SFXN1: variants seen among roughly 807,000 people sequenced by gnomAD.
The protein encoded by SFXN1 is sideroflexin-1.
SFXN1 carries 32 observed loss-of-function variants against 39.5 expected under a neutral mutation model. The ratio of observed to expected loss-of-function variants is 0.81; its 90% CI spans 0.61 to 1.09. The LOEUF (loss-of-function observed/expected upper bound fraction) is 1.09. Ranked by LOEUF, SFXN1 falls within the 50% of genes least tolerant of loss-of-function variation. SFXN1 has a pLI of 0.00. For missense variants in SFXN1, 402 were observed against 407.1 expected (o/e 0.99, Z 0.11); for synonymous variants, 136 against 146.5 (o/e 0.93, Z 0.52).
chr5:175,486,122 C>G (rs1759439642), intron 1 of SFXN1, among the ~76,000 whole-genome samples: 1 of 151,892 alleles, frequency 6.6e-6, no homozygotes, highest in Non-Finnish European at 1.5e-5. Flanking sequence ...TTAGAGTAAC[C>G]TTAAGGTTAT....
At chr5:175,498,572 T>A (rs189617212) in intron 2 of SFXN1, among the ~76,000 whole-genome samples, 13 of 152,308 alleles carry the variant, frequency 8.5e-5, no homozygotes, top group African/African-American at 3.1e-4. Context: ...TGTAAGAAAT[T>A]GTCCTTTGAT....
At chr5:175,521,142 C>T (rs1241366169) in intron 8 of SFXN1, among the ~76,000 whole-genome samples, 1 of 151,834 alleles carries the variant, frequency 6.6e-6, no homozygotes, top group Non-Finnish European at 1.5e-5. Context: ...TTTATATAAC[C>T]ATATATCTCA....
Position 175,510,213 on chromosome 5 carries a change from G to C in SFXN1, c.434+6G>C. The stretch of plus-strand genomic sequence containing the variant: ...GACGCACCCCTCACTGTCAAGTAAG[G>C]CTACGAGAATTGACCACTCTCTGCA... On this transcript the variant is annotated splice_donor_region_variant and intron_variant, in intron 4 of 10. Transcript: ENST00000321442. The C allele has an allele frequency of 1.2e-6, 2 of 1,606,564 alleles. No homozygotes were observed. Among genetic ancestry groups the C allele is most frequent in the Non-Finnish European group, 1.7e-6 (2 of 1,175,726 alleles).
chr5:175,501,254 G>C (rs1416671794), intron 2 of SFXN1, among the ~76,000 whole-genome samples: 1 of 151,956 alleles, frequency 6.6e-6, no homozygotes, highest in East Asian at 1.9e-4. Context: ...ATTTTTAATA[G>C]AGACAGGGTT....
chr5:175,518,688 G>A (rs560858410), intron 8 of SFXN1, among the ~76,000 whole-genome samples: 1 of 152,312 alleles, frequency 6.6e-6, no homozygotes, highest in South Asian at 2.1e-4. Context: ...GAAGTTTGTG[G>A]ATGGTTAGGT....
intron 1 of SFXN1, among the ~76,000 whole-genome samples, chr5:175,479,812 A>C (rs763829415): frequency 6.6e-6 from 1 of 152,144 alleles, no homozygotes; most frequent in Non-Finnish European, 1.5e-5. Flanking sequence ...CATTTCTCAC[A>C]GTCCTAGTCC....
chr5:175,523,931 A>G (rs975261846), intron 10 of SFXN1: 1 of 151,592 alleles, frequency 6.6e-6, no homozygotes, highest in African/African-American at 2.4e-5. Context: ...TGATCCAAGC[A>G]TGACCCTGTT....
chr5:175,493,207 C>G (rs1056647506), intron 2 of SFXN1, among the ~76,000 whole-genome samples: 2 of 151,858 alleles, frequency 1.3e-5, no homozygotes, highest in Non-Finnish European at 2.9e-5. Flanking sequence ...GAGCCAGGAT[C>G]GTGCCACTCG....
intron 2 of SFXN1, among the ~76,000 whole-genome samples, chr5:175,508,488 G>T (rs1233794250): frequency 6.6e-6 from 1 of 152,012 alleles, no homozygotes; most frequent in Non-Finnish European, 1.5e-5. Context: ...TCCTGCCTCA[G>T]CCTCCCAAAG....
At chr5:175,499,464 C>G (rs927673448) in intron 2 of SFXN1, among the ~76,000 whole-genome samples, 2 of 152,016 alleles carry the variant, frequency 1.3e-5, no homozygotes, top group African/African-American at 2.4e-5. Flanking sequence ...AGGGCAATAC[C>G]CAAAATAAGC....
At chr5:175,508,939 C>G in intron 2 of SFXN1, 93 bp from the exon 3 acceptor site, 1 of 1,262,048 alleles carries the variant, frequency 7.9e-7, no homozygotes, top group Non-Finnish European at 1.1e-6. Context: ...CCAGCCAGAG[C>G]ATAAACTTTT....
chr5:175,514,934 G>A (rs1002714101), intron 7 of SFXN1, among the ~76,000 whole-genome samples: 4 of 152,180 alleles, frequency 2.6e-5, no homozygotes, highest in African/African-American at 4.8e-5. Flanking sequence ...AGCCCACCCC[G>A]GTGTTCCTAC....
intron 2 of SFXN1, among the ~76,000 whole-genome samples, chr5:175,505,659 C>G (rs1265407750): frequency 1.3e-5 from 2 of 151,464 alleles, no homozygotes; most frequent in African/African-American, 4.8e-5. Context: ...GTTGCTCTAC[C>G]CAAGATTAAA....
At position 175,488,293 on chromosome 5, in the gene SFXN1, C is replaced by A. The variant is rs545261898; in HGVS notation, c.-9-3802C>A. On this transcript the variant is annotated intron_variant, in intron 1 of 10. Transcript: ENST00000321442. ...GCCTTCTTGCTATTCTTTGAAGACACCAGATGCATTTCTTTTTTTTTTTTT... is the reference window on the plus strand; with the variant it reads ...GCCTTCTTGCTATTCTTTGAAGACAACAGATGCATTTCTTTTTTTTTTTTT... Among the ~76,000 whole-genome samples the A allele has an allele frequency of 4.6e-5, 7 of 151,914 alleles. No homozygotes were observed. In the East Asian group the frequency reaches 1.4e-3, roughly 29 times the overall value.
chr5:175,502,897 G>A (rs558887876), intron 2 of SFXN1, among the ~76,000 whole-genome samples: 2 of 152,006 alleles, frequency 1.3e-5, no homozygotes, highest in Admixed American at 6.6e-5. Context: ...TCCATCCATC[G>A]AACAGATTAA....
At chr5:175,504,049 A>G (rs1760196015) in intron 2 of SFXN1, among the ~76,000 whole-genome samples, 1 of 146,494 alleles carries the variant, frequency 6.8e-6, no homozygotes, top group Non-Finnish European at 1.5e-5. Context: ...TAAAGAAAGA[A>G]AAGAGGGGGG....
intron 2 of SFXN1, among the ~76,000 whole-genome samples, chr5:175,503,735 G>A (rs1760171595): frequency 6.6e-6 from 1 of 152,192 alleles, no homozygotes; most frequent in South Asian, 2.1e-4. Flanking sequence ...GGGCGTGGTG[G>A]CTCACGCCCA....
chr5:175,496,193 C>T (rs916143373), intron 2 of SFXN1, among the ~76,000 whole-genome samples: 13 of 151,928 alleles, frequency 8.6e-5, no homozygotes, highest in East Asian at 1.9e-4. Context: ...CCACCACTCC[C>T]GGCCTTAAAA....
At chr5:175,521,485 C>T (rs894478339) in intron 8 of SFXN1, among the ~76,000 whole-genome samples, 11 of 152,146 alleles carry the variant, frequency 7.2e-5, no homozygotes, top group African/African-American at 2.7e-4. Flanking sequence ...CATTTTGTAC[C>T]ATCACAAGGA....
Sources: gnomAD v4.1 joint callset for allele counts (sites outside exome capture counted in the v4.1 genomes callset) on GRCh38, gnomAD v4.1.1 for gene constraint, MANE v1.5 for transcripts, NCBI Gene and HGNC (gene_info 2026-07-23, HGNC 2026-07-21) for gene names.